Variants in SCG3 observed in about 807,000 individuals in gnomAD.
SCG3 encodes secretogranin III.
SCG3 carries 38 observed loss-of-function variants against 56.2 expected under a neutral mutation model. The ratio of observed to expected loss-of-function variants is 0.68; its 90% CI spans 0.52 to 0.89. The LOEUF is 0.89. Among genes scored for constraint, SCG3 ranks in the 40% least tolerant of loss-of-function variants. The pLI, the probability that SCG3 is intolerant of heterozygous loss-of-function variation, is 0.00. For missense variants in SCG3, 524 were observed against 540.7 expected, an observed-to-expected ratio of 0.97 and a Z score of 0.31; for synonymous variants, 176 against 184.2, an observed-to-expected ratio of 0.96 and a Z score of 0.36.
chr15:51,715,988 G>A (rs1047686249), intron 11 of SCG3, among the ~76,000 whole-genome samples: 2 of 152,210 alleles, frequency 1.3e-5, no homozygotes, highest in African/African-American at 4.8e-5. Context: ...CTCCCAAGTA[G>A]TTGGGACTAC....
At chr15:51,714,579 C>T (rs1236083387) in intron 11 of SCG3, among the ~76,000 whole-genome samples, 1 of 152,212 alleles carries the variant, frequency 6.6e-6, no homozygotes, top group Non-Finnish European at 1.5e-5. Flanking sequence ...ATCCAAATCA[C>T]CTGGGGAACT....
At chr15:51,685,115 C>T (rs10519316) in intron 4 of SCG3, among the ~76,000 whole-genome samples, 3,246 of 152,244 alleles carry the variant, frequency 0.021, 92 homozygotes, top group East Asian at 0.095. Flanking sequence ...TGAAGTGTCA[C>T]GTGTACCTAT....
chr15:51,699,949 C>A (rs1441779387), intron 9 of SCG3, among the ~76,000 whole-genome samples: 1 of 152,122 alleles, frequency 6.6e-6, no homozygotes, highest in Non-Finnish European at 1.5e-5. Context: ...TGGAAAGGAG[C>A]CTCCTTTCAA....
At chr15:51,705,163 C>T (rs1194379932) in intron 10 of SCG3, among the ~76,000 whole-genome samples, 1 of 152,014 alleles carries the variant, frequency 6.6e-6, no homozygotes, top group East Asian at 1.9e-4. Flanking sequence ...CCTCAATCAT[C>T]CCCTCTGGAA....
At chr15:51,710,162 T>C (rs894029365) in intron 10 of SCG3, among the ~76,000 whole-genome samples, 1 of 152,142 alleles carries the variant, frequency 6.6e-6, no homozygotes, top group Non-Finnish European at 1.5e-5. Context: ...AAATATTTCT[T>C]GAGAGCTTAC....
chr15:51,710,752 ATTTTTT>A (rs60536489), intron 10 of SCG3, among the ~76,000 whole-genome samples: 25,199 of 105,472 alleles, frequency 0.24, 2,864 homozygotes, highest in East Asian at 0.57. Context: ...TGCCTGGCTA[ATTTTTT>A]TTTTTTTTTT....
chr15:51,700,744 G>A (rs2055334154), intron 9 of SCG3, among the ~76,000 whole-genome samples: 1 of 151,748 alleles, frequency 6.6e-6, no homozygotes, highest in South Asian at 2.1e-4. Context: ...GACATATCCT[G>A]GCTTGATCAC....
In SCG3 at chr15:51,681,637, T is replaced by TGCCCCCCCCC; in HGVS notation, c.-119_-118insGCCCCCCCCC. On this transcript the variant is annotated 5_prime_UTR_variant, in exon 1 of 12. Transcript: ENST00000220478. ...TGCAGCCGCCCAGTCCCGGCCCCTCTCCCGCCCCACACCCACCCTCCTGGC... is the reference window on the plus strand; with the variant it reads ...TGCAGCCGCCCAGTCCCGGCCCCTCTGCCCCCCCCCCCCGCCCCACACCCACCCTCCTGGC... The TGCCCCCCCCC allele has an allele frequency of 1.7e-6, 1 of 582,690 alleles. No homozygotes were observed. The highest frequency in any genetic ancestry group is 3.6e-5 in the East Asian group (1 of 27,556). 36.1% of individuals were successfully genotyped at this position (582,690 alleles called of 1,614,324 possible).
intron 10 of SCG3, among the ~76,000 whole-genome samples, chr15:51,711,523 T>A (rs959843918): frequency 1.3e-5 from 2 of 152,254 alleles, no homozygotes; most frequent in Non-Finnish European, 2.9e-5. Context: ...TGATTTAAAC[T>A]CTTTAAAATA....
At chr15:51,686,003 T>G (rs1167859143) in intron 4 of SCG3, among the ~76,000 whole-genome samples, 1 of 152,214 alleles carries the variant, frequency 6.6e-6, no homozygotes, top group Non-Finnish European at 1.5e-5. Flanking sequence ...TTAAAATATA[T>G]TGAACAAATG....
rs1555457963 is a variant in SCG3 at position 51,704,244 on chromosome 15, C to CATATACATATAT, written c.1207+3005_1207+3006insCATATATATATA. On this transcript the variant is annotated intron_variant, in intron 10 of 11. Coordinates refer to ENST00000220478, the MANE Select transcript of SCG3 (RefSeq NM_013243.4). Reference sequence around the variant, plus strand: ...ATATGTGTGTATACATACATACATACATATATATATATATATATATATATA... The same window carrying CATATACATATAT: ...ATATGTGTGTATACATACATACATACATATACATATATATATATATATATATATATATATATA... Among the ~76,000 whole-genome samples, 3 of 73,600 alleles carry CATATACATATAT rather than the reference C, an allele frequency of 4.1e-5. No individual in the cohort carries two copies. The East Asian group carries it at 1.5e-3, about 38-fold the overall frequency. 48.3% of individuals were successfully genotyped at this position (73,600 alleles called of 152,430 possible). A position where few individuals can be genotyped will look rare whatever the true frequency, so the allele number is the denominator to read the frequency against.
At position 51,689,296 on chromosome 15, in the gene SCG3, C is replaced by A. The variant is rs756163980; in HGVS notation, c.618C>A (p.Asn206Lys). Residue 206 changes from asparagine to lysine, a missense_variant, in exon 6 of 12, where the codon AAC becomes AAA. Coordinates refer to ENST00000220478, the MANE Select transcript of SCG3 (RefSeq NM_013243.4). The part of the protein sequence containing the change: ...VLQKLISKEA[N>K]NYEEDPNKPT... ...AAAAATTAATCTCAAAGGAAGCCAA[C>A]AATTATGAGGAGGATCCCAATAAGC... 9 of 1,613,532 alleles carry A rather than the reference C, an allele frequency of 5.6e-6. No individual in the cohort carries two copies. Among genetic ancestry groups the A allele is most frequent in the Non-Finnish European group, 6.8e-6 (8 of 1,179,892 alleles).
intron 1 of SCG3, 68 bp from the exon 2 acceptor site, chr15:51,682,449 A>G: frequency 1.3e-6 from 1 of 770,332 alleles, no homozygotes; most frequent in Non-Finnish European, 2.1e-6. Context: ...TAAAAATTTT[A>G]TTTAATAAGA....
chr15:51,701,063 G>C (rs374710913), intron 9 of SCG3, 44 bp from the exon 10 acceptor site: 9 of 1,603,708 alleles, frequency 5.6e-6, no homozygotes, highest in Non-Finnish European at 7.6e-6. Flanking sequence ...CCAATTAATA[G>C]ATAGGAAACA....
chr15:51,696,655 G>A (rs575884108), intron 8 of SCG3, among the ~76,000 whole-genome samples: 4 of 152,290 alleles, frequency 2.6e-5, no homozygotes, highest in South Asian at 2.1e-4. Context: ...GCATCTGCTC[G>A]GTGAAGCAAC....
chr15:51,692,069 A>C, intron 6 of SCG3, 90 bp from the exon 7 acceptor site: 1 of 1,270,038 alleles, frequency 7.9e-7, no homozygotes, highest in Non-Finnish European at 1.1e-6. Flanking sequence ...TGCACTTCAC[A>C]TTTAAGGGCA....
intron 7 of SCG3, 74 bp from the exon 8 acceptor site, chr15:51,695,801 C>T: frequency 2.5e-6 from 2 of 813,284 alleles, no homozygotes; most frequent in Non-Finnish European, 2.0e-6. Flanking sequence ...CAAAAAGATG[C>T]TGTACTTTAT....
At chr15:51,717,952 G>A (rs1348077200) in intron 11 of SCG3, among the ~76,000 whole-genome samples, 3 of 152,342 alleles carry the variant, frequency 2.0e-5, no homozygotes, top group African/African-American at 7.2e-5. Flanking sequence ...CCAGGGTACA[G>A]GGTAGGACCC....
rs577360203 is a variant in SCG3 at position 51,687,826 on chromosome 15, A to G, written c.398-434A>G. Among the ~76,000 whole-genome samples, 3 of 152,360 alleles carry G rather than the reference A, an allele frequency of 2.0e-5. No homozygotes were observed. The South Asian group carries it at 6.2e-4, about 32-fold the overall frequency. ...ACCCCAGGAATTTGCCTGCAAAGGTAGTACATGTGGGGATATTACCAAACT... is the reference window on the plus strand; with the variant it reads ...ACCCCAGGAATTTGCCTGCAAAGGTGGTACATGTGGGGATATTACCAAACT... On this transcript the variant is annotated intron_variant, in intron 4 of 11. Coordinates refer to ENST00000220478, the MANE Select transcript of SCG3 (RefSeq NM_013243.4).
Sources: allele counts gnomAD v4.1 joint callset (sites outside exome capture counted in the v4.1 genomes callset), GRCh38; gene constraint gnomAD v4.1.1; transcripts MANE v1.5; gene names NCBI Gene and HGNC (gene_info 2026-07-23, HGNC 2026-07-21).